Variants in PLCL2 observed in about 807,000 individuals in gnomAD.
The protein encoded by PLCL2 is phospholipase C like 2.
A neutral mutation model predicts 79.6 loss-of-function variants in PLCL2; 4 were observed. The ratio of observed to expected loss-of-function variants is 0.05; its 90% CI spans 0.02 to 0.11. The LOEUF (loss-of-function observed/expected upper bound fraction) is 0.11. PLCL2 is among the 10% of genes least tolerant of loss of function. The pLI, the probability that PLCL2 is intolerant of heterozygous loss-of-function variation, is 1.00. For missense variants in PLCL2, 895 were observed against 1,291.0 expected, an observed-to-expected ratio of 0.69 and a Z score of 4.70; for synonymous variants, 484 against 457.7, an observed-to-expected ratio of 1.06 and a Z score of -0.73.
Position 17,042,587 on chromosome 3 carries a change from T to G in PLCL2, c.3019-287T>G, listed in dbSNP as rs184006451. On this transcript the variant is annotated intron_variant, in intron 3 of 5. Coordinates refer to ENST00000615277, the MANE Select transcript of PLCL2 (RefSeq NM_001144382.2). ...CACGCATATTTGTAGCTTTTCACGC[T>G]GAAATGAACTCAGTTCAGTATATTA... Among the ~76,000 whole-genome samples, 311 of 152,338 alleles carry G rather than the reference T, an allele frequency of 2.0e-3. 1 individual carries two copies. The highest frequency in any genetic ancestry group is 5.7e-3 in the African/African-American group (239 of 41,578).
chr3:17,043,113 A>G (rs1169678579), intron 4 of PLCL2, among the ~76,000 whole-genome samples, 164 bp downstream of exon 4: 1 of 152,212 alleles, frequency 6.6e-6, no homozygotes, highest in Non-Finnish European at 1.5e-5. Flanking sequence ...AGCCTTGGGT[A>G]ACAAACTCAC....
chr3:17,014,194 G>T (rs1459436947), intron 2 of PLCL2, among the ~76,000 whole-genome samples: 1 of 152,154 alleles, frequency 6.6e-6, no homozygotes, highest in Non-Finnish European at 1.5e-5. Context: ...ACTCAACAGA[G>T]AACAGTAGCA....
chr3:16,986,904 C>G (rs1015575670), intron 1 of PLCL2, among the ~76,000 whole-genome samples: 5 of 151,930 alleles, frequency 3.3e-5, no homozygotes, highest in Admixed American at 1.3e-4. Flanking sequence ...TTTGGTATAC[C>G]TAATACATGT....
intron 1 of PLCL2, among the ~76,000 whole-genome samples, chr3:16,983,861 T>C (rs759917174): frequency 1.1e-4 from 17 of 152,244 alleles, no homozygotes; most frequent in Non-Finnish European, 2.5e-4. Context: ...TGTTAATTAA[T>C]GTGGAATATG....
At chr3:17,085,861 A>G (rs536516496) in intron 5 of PLCL2, among the ~76,000 whole-genome samples, 1 of 152,360 alleles carries the variant, frequency 6.6e-6, no homozygotes, top group East Asian at 1.9e-4. Context: ...ATCTAACAAC[A>G]TATATATGAC....
chr3:16,959,308 C>A (rs760569184), intron 1 of PLCL2, among the ~76,000 whole-genome samples: 1 of 152,182 alleles, frequency 6.6e-6, no homozygotes, highest in Non-Finnish European at 1.5e-5. Context: ...AACCAATTTT[C>A]ATTTCCACCA....
At chr3:16,954,846 A>T (rs925632139) in intron 1 of PLCL2, among the ~76,000 whole-genome samples, 9 of 152,024 alleles carry the variant, frequency 5.9e-5, no homozygotes, top group Non-Finnish European at 1.2e-4. Flanking sequence ...TGTCTGTTCA[A>T]GTCCTTTGCC....
At chr3:16,926,484 A>G (rs1460211349) in intron 1 of PLCL2, among the ~76,000 whole-genome samples, 1 of 152,194 alleles carries the variant, frequency 6.6e-6, no homozygotes, top group Non-Finnish European at 1.5e-5. Flanking sequence ...AACTATTGTT[A>G]TTATTATTAC....
intron 1 of PLCL2, among the ~76,000 whole-genome samples, chr3:16,928,864 T>G (rs1022274918): frequency 6.6e-6 from 1 of 152,168 alleles, no homozygotes. Context: ...TCAGAAACAT[T>G]CATGAATTTG....
intron 1 of PLCL2, among the ~76,000 whole-genome samples, chr3:16,972,708 G>A (rs1214467970): frequency 6.6e-6 from 1 of 152,072 alleles, no homozygotes; most frequent in Admixed American, 6.6e-5. Context: ...AGGTCTCCTT[G>A]TTGAATTGTA....
intron 1 of PLCL2, among the ~76,000 whole-genome samples, chr3:16,965,740 C>A (rs2063800445): frequency 6.6e-6 from 1 of 151,964 alleles, no homozygotes; most frequent in African/African-American, 2.4e-5. Context: ...CCTTCCCATC[C>A]CTTGTAAGCT....
rs541822060 is a variant in PLCL2 at position 16,892,625 on chromosome 3, T to A, written c.327+7259T>A. Among the ~76,000 whole-genome samples, 6 of 152,336 alleles carry A rather than the reference T, an allele frequency of 3.9e-5. No homozygotes were observed. In the South Asian group the frequency reaches 1.2e-3, roughly 32 times the overall value. ...ATACATAAGGAATCTGGAGTACTGATAAGAGTTGTAGGAGTGCGATCTCTA... is the reference window on the plus strand; with the variant it reads ...ATACATAAGGAATCTGGAGTACTGAAAAGAGTTGTAGGAGTGCGATCTCTA... On this transcript the variant is annotated intron_variant, in intron 1 of 5. Transcript: ENST00000615277.
chr3:16,938,695 T>G (rs1468236880), intron 1 of PLCL2, among the ~76,000 whole-genome samples: 1 of 152,194 alleles, frequency 6.6e-6, no homozygotes, highest in Non-Finnish European at 1.5e-5. Flanking sequence ...GCTGGAAGCC[T>G]TCTTGGAAAT....
intron 1 of PLCL2, among the ~76,000 whole-genome samples, chr3:16,912,242 T>C (rs1696899086): frequency 6.6e-6 from 1 of 152,230 alleles, no homozygotes; most frequent in Non-Finnish European, 1.5e-5. Flanking sequence ...TCAGTTTTTT[T>C]TTTTAAATAG....
chr3:16,990,203 TG>T (rs932650707), intron 1 of PLCL2, among the ~76,000 whole-genome samples: 21 of 152,342 alleles, frequency 1.4e-4, no homozygotes, highest in Admixed American at 4.6e-4. Context: ...GAATCTTTAG[TG>T]GGCATTTCTA....
At chr3:16,992,720 G>A (rs2064116845) in intron 1 of PLCL2, among the ~76,000 whole-genome samples, 1 of 152,214 alleles carries the variant, frequency 6.6e-6, no homozygotes, top group Admixed American at 6.5e-5. Flanking sequence ...CCAGCCAAGG[G>A]CTGGGCAAGG....
intron 1 of PLCL2, among the ~76,000 whole-genome samples, chr3:16,967,780 G>T (rs2063821776): frequency 6.6e-6 from 1 of 151,950 alleles, no homozygotes; most frequent in Non-Finnish European, 1.5e-5. Flanking sequence ...AGTCCCATTT[G>T]TCAATTTTAT....
At chr3:17,013,644 A>G (rs1009214018) in intron 2 of PLCL2, among the ~76,000 whole-genome samples, 4 of 152,256 alleles carry the variant, frequency 2.6e-5, no homozygotes, top group Non-Finnish European at 1.5e-5. Flanking sequence ...ATTTAAAACT[A>G]AAGTGTTCAT....
intron 5 of PLCL2, among the ~76,000 whole-genome samples, chr3:17,076,930 A>G (rs1386666081): frequency 6.6e-6 from 1 of 152,030 alleles, no homozygotes; most frequent in Non-Finnish European, 1.5e-5. Flanking sequence ...TTAATTTCAA[A>G]TTTGTCATGT....
Sources: allele counts gnomAD v4.1 joint callset (sites outside exome capture counted in the v4.1 genomes callset), GRCh38; gene constraint gnomAD v4.1.1; transcripts MANE v1.5; gene names NCBI Gene and HGNC (gene_info 2026-07-23, HGNC 2026-07-21).